The following SH2B2 variants were observed in gnomAD, a reference collection of about 807,000 sequenced individuals.
SH2B2 encodes SH2B adaptor protein 2.
A neutral mutation model predicts 35.7 loss-of-function variants in SH2B2; 37 were observed. The observed-to-expected ratio is 1.04, with a 90% CI of 0.80 to 1.36. The LOEUF is 1.36. Ranked by LOEUF, SH2B2 falls within the 40% of genes most tolerant of loss-of-function variation. The pLI is 0.00. For synonymous variants in SH2B2, 383 were observed against 376.4 expected (o/e 1.02, Z -0.20); for missense variants, 852 against 817.7 (o/e 1.04, Z -0.51).
At chr7:102,306,671 G>C (rs1554554893) in intron 2 of SH2B2, 50 bp from the exon 3 acceptor site, 1 of 1,356,826 alleles carries the variant, frequency 7.4e-7, no homozygotes, top group Non-Finnish European at 1.0e-6. Context: ...GGGATGGAAA[G>C]GGTGTCGGGA....
At chr7:102,318,515 G>A (rs1793943006) in intron 7 of SH2B2, among the ~76,000 whole-genome samples, 1 of 152,170 alleles carries the variant, frequency 6.6e-6, no homozygotes, top group Non-Finnish European at 1.5e-5. Flanking sequence ...GCCAGAGGGG[G>A]CAGGAACCTC....
intron 7 of SH2B2, among the ~76,000 whole-genome samples, chr7:102,317,927 T>C (rs1793917291): frequency 6.6e-6 from 1 of 150,736 alleles, no homozygotes; most frequent in South Asian, 2.1e-4. Context: ...CTGGGCTGGG[T>C]GGGAGAGCTG....
intron 1 of SH2B2, among the ~76,000 whole-genome samples, chr7:102,299,199 T>G (rs1554553078): frequency 4.5e-5 from 3 of 67,342 alleles, no homozygotes; most frequent in African/African-American, 1.4e-4. Context: ...GCGCCTGGCT[T>G]TTTTTTTTTT....
chr7:102,285,308 C>A (rs1276254121), upstream of SH2B2: 3 of 1,303,290 alleles, frequency 2.3e-6, no homozygotes, highest in Non-Finnish European at 3.3e-6. Context: ...GGGTGGAGAC[C>A]ACAACCAGGC....
In SH2B2 at chr7:102,317,333, C is replaced by G; in HGVS notation, c.1333C>G (p.Arg445Gly). ...CCGGAACCACGGCCTCTTCGTGATC[C>G]GCCAAAGTGAGACTCGGCCTGGGGA... is the stretch of plus-strand genomic sequence containing the variant. ...GPRNHGLFVI[R>G]QSETRPGEYV... is the part of the protein sequence containing the mutation. The change falls in exon 7 of 9, where the codon CGC becomes GGC. Residue 445 changes from arginine to glycine, a missense_variant. Physicochemically the swap from Arg to Gly is moderately radical, Grantham distance 125 (BLOSUM62 -2). This residue lies in a region of SH2B2 where 556 missense variants were observed against 514.5 expected (regional missense o/e 1.08). Transcript: ENST00000444095. 1 of 1,611,866 alleles carries G rather than the reference C, an allele frequency of 6.2e-7. No individual in the cohort carries two copies. The highest frequency in any genetic ancestry group is 8.5e-7 in the Non-Finnish European group (1 of 1,178,230).
intron 4 of SH2B2, among the ~76,000 whole-genome samples, chr7:102,310,097 C>T (rs1554555763): frequency 6.6e-6 from 1 of 152,164 alleles, no homozygotes; most frequent in Non-Finnish European, 1.5e-5. Context: ...AGGCGGATCA[C>T]CTGAGGTCAG....
At chr7:102,317,998 G>T (rs887466046) in intron 7 of SH2B2, among the ~76,000 whole-genome samples, 20 of 152,154 alleles carry the variant, frequency 1.3e-4, no homozygotes, top group Non-Finnish European at 1.5e-5. Flanking sequence ...AGACCTGCAG[G>T]GGAGGGAGAA....
chr7:102,303,028 G>A lies in SH2B2; in HGVS notation c.729+1749G>A, dbSNP rs138410511. Among the ~76,000 whole-genome samples the A allele has an allele frequency of 2.7e-3, 404 of 152,094 alleles. 2 individuals are homozygous for A. The highest frequency in any genetic ancestry group is 0.02 in the Middle Eastern group (6 of 294). Reference sequence around the variant, plus strand: ...GCAGGTGGATCACCTGAGGTCAGGGGTTCGTGACCAGCCTGACCAACATGG... The same window carrying A: ...GCAGGTGGATCACCTGAGGTCAGGGATTCGTGACCAGCCTGACCAACATGG... On this transcript the variant is annotated intron_variant, in intron 2 of 8. Transcript: ENST00000444095.
intron 1 of SH2B2, among the ~76,000 whole-genome samples, chr7:102,294,885 A>G (rs1379674922): frequency 6.6e-6 from 1 of 152,178 alleles, no homozygotes; most frequent in Non-Finnish European, 1.5e-5. Flanking sequence ...TGTGCCAGGC[A>G]TCAGGCCCAC....
chr7:102,306,435 G>A (rs1586587406), intron 2 of SH2B2, among the ~76,000 whole-genome samples: 1 of 152,296 alleles, frequency 6.6e-6, no homozygotes, highest in South Asian at 2.1e-4. Flanking sequence ...TGCTGTCCAG[G>A]CTGTCCTTGA....
chr7:102,299,138 A>C (rs1793042597), intron 1 of SH2B2, among the ~76,000 whole-genome samples: 1 of 141,596 alleles, frequency 7.1e-6, no homozygotes, highest in Non-Finnish European at 1.5e-5. Context: ...TGACTTCGTG[A>C]TGCGCCCGCC....
Position 102,317,258 on chromosome 7 carries a change from G to T in SH2B2, c.1258G>T (p.Gly420Trp). The change falls in exon 7 of 9, where the codon GGG becomes TGG. Residue 420 changes from glycine to tryptophan, a missense_variant. Coordinates refer to ENST00000444095, the MANE Select transcript of SH2B2 (RefSeq NM_001359228.2). ...GCTATCCGACTACCCATGGTTCCAC[G>T]GGACACTGTCCCGGGTCAAGGCTGC... ...LELSDYPWFH[G>W]TLSRVKAAQL... 6.2e-7 allele frequency: 1 copy of T among 1,613,524 alleles called. No homozygotes were observed. The highest frequency in any genetic ancestry group is 8.5e-7 in the Non-Finnish European group (1 of 1,179,694).
rs2132995815 is a variant in SH2B2, at chr7:102,308,883, C to T, written c.900C>T (p.Asp300=). Residue 300 remains aspartate (D), a synonymous_variant, in exon 4 of 9, where the codon GAC becomes GAT. Coordinates refer to ENST00000444095, the MANE Select transcript of SH2B2 (RefSeq NM_001359228.2). ...DSLQKHSWVA[D]IQGCVDPGDS... ...TGCAGAAGCACTCGTGGGTAGCTGACATCCAGGGCTGCGTGGACCCCGGGT... is the reference window on the plus strand; with the variant it reads ...TGCAGAAGCACTCGTGGGTAGCTGATATCCAGGGCTGCGTGGACCCCGGGT... The T allele has an allele frequency of 6.2e-7, 1 of 1,613,700 alleles. No individual in the cohort carries two copies. Among genetic ancestry groups the T allele is most frequent in the Non-Finnish European group, 8.5e-7 (1 of 1,179,860 alleles).
upstream of SH2B2, among the ~76,000 whole-genome samples, chr7:102,286,001 C>G (rs1248319338): frequency 1.3e-5 from 2 of 152,224 alleles, no homozygotes; most frequent in South Asian, 4.1e-4. Flanking sequence ...CCCTCAGCAC[C>G]AGGGGTCAGG....
At chr7:102,296,599 C>T (rs1474404411) in intron 1 of SH2B2, among the ~76,000 whole-genome samples, 1 of 152,216 alleles carries the variant, frequency 6.6e-6, no homozygotes, top group Non-Finnish European at 1.5e-5. Context: ...GGGCCCAAGC[C>T]ATGCAGTTTA....
At chr7:102,301,510 G>C (rs1793189579) in intron 2 of SH2B2, among the ~76,000 whole-genome samples, 1 of 151,990 alleles carries the variant, frequency 6.6e-6, no homozygotes, top group Non-Finnish European at 1.5e-5. Context: ...TACACCAAAG[G>C]GTTCTGGGGC....
intron 2 of SH2B2, among the ~76,000 whole-genome samples, chr7:102,301,592 G>C (rs982901928): frequency 6.6e-6 from 1 of 151,426 alleles, no homozygotes; most frequent in African/African-American, 2.4e-5. Context: ...GCGCGCGCGT[G>C]TGTGTGTGTC....
intron 6 of SH2B2, among the ~76,000 whole-genome samples, chr7:102,315,145 C>A (rs1336654457): frequency 6.6e-6 from 1 of 151,018 alleles, no homozygotes; most frequent in African/African-American, 2.4e-5. Context: ...GCCAAGATCA[C>A]GCCACTGCAC....
intron 1 of SH2B2, among the ~76,000 whole-genome samples, chr7:102,291,440 A>G (rs1586563735): frequency 6.6e-6 from 1 of 152,194 alleles, no homozygotes; most frequent in South Asian, 2.1e-4. Flanking sequence ...AATGCTCAGA[A>G]CAGCCAAGAC....
Sources: allele counts gnomAD v4.1 joint callset (sites outside exome capture counted in the v4.1 genomes callset), GRCh38; gene constraint gnomAD v4.1.1; regional missense constraint gnomAD v4.1.1; transcripts MANE v1.5; gene names NCBI Gene and HGNC (gene_info 2026-07-23, HGNC 2026-07-21).